The following PALM2AKAP2 variants were observed in gnomAD, a reference collection of about 807,000 sequenced individuals.
The protein encoded by PALM2AKAP2 is PALM2 and AKAP2 fusion.
PALM2AKAP2 carries 37 observed loss-of-function variants against 71.5 expected under a neutral mutation model. The ratio of observed to expected loss-of-function variants is 0.52; its 90% CI spans 0.40 to 0.68. The LOEUF (loss-of-function observed/expected upper bound fraction) is 0.68. PALM2AKAP2 is among the 30% of genes least tolerant of loss of function. PALM2AKAP2 has a pLI of 0.00. For synonymous variants in PALM2AKAP2, 468 were observed against 478.8 expected, an observed-to-expected ratio of 0.98 and a Z score of 0.29; for missense variants, 1,224 against 1,191.8, an observed-to-expected ratio of 1.03 and a Z score of -0.40.
At chr9:109,640,811 G>A (rs1827053499) in exon 1 of PALM2AKAP2, 3 of 1,506,908 alleles carry the variant, frequency 2.0e-6, no homozygotes, top group Non-Finnish European at 2.6e-6. Flanking sequence ...CGGGAGAGGC[G>A]AGCAGCGCCG....
intron 1 of PALM2AKAP2, among the ~76,000 whole-genome samples, chr9:109,755,706 C>G (rs1021767990): frequency 6.6e-6 from 1 of 151,870 alleles, no homozygotes; most frequent in African/African-American, 2.4e-5. Context: ...ACCTCCACCC[C>G]CTTAGTATCC....
intron 3 of PALM2AKAP2, among the ~76,000 whole-genome samples, chr9:109,899,195 T>C (rs1173085787): frequency 6.6e-6 from 1 of 152,176 alleles, no homozygotes; most frequent in Non-Finnish European, 1.5e-5. Flanking sequence ...TCATTAGTCA[T>C]TACTTTCTCT....
chr9:110,000,360 G>T (rs992872451), intron 6 of PALM2AKAP2, among the ~76,000 whole-genome samples: 6 of 152,142 alleles, frequency 3.9e-5, no homozygotes, highest in African/African-American at 1.4e-4. Context: ...TTTTATGGCT[G>T]TATAGTATTC....
At chr9:110,076,963 G>A (rs1457733863) in intron 1 of PALM2AKAP2, among the ~76,000 whole-genome samples, 2 of 152,198 alleles carry the variant, frequency 1.3e-5, no homozygotes, top group Non-Finnish European at 2.9e-5. Context: ...GTCACGCAAT[G>A]TATACCACCC....
At chr9:110,083,902 C>T (rs1834503782) in intron 1 of PALM2AKAP2, among the ~76,000 whole-genome samples, 1 of 152,188 alleles carries the variant, frequency 6.6e-6, no homozygotes, top group Admixed American at 6.5e-5. Flanking sequence ...AGATGGTCCA[C>T]TGAGATGAGG....
At chr9:110,110,681 G>T (rs1047897175) in intron 1 of PALM2AKAP2, among the ~76,000 whole-genome samples, 1 of 151,514 alleles carries the variant, frequency 6.6e-6, no homozygotes, top group Non-Finnish European at 1.5e-5. Context: ...TGAGTAGCTG[G>T]GATTACAGGC....
intron 1 of PALM2AKAP2, among the ~76,000 whole-genome samples, chr9:109,701,918 A>C (rs1000680968): frequency 2.0e-5 from 3 of 152,186 alleles, no homozygotes; most frequent in East Asian, 1.9e-4. Flanking sequence ...ACCCCATCAA[A>C]AAGTGGGCAA....
chr9:110,161,919 G>A (rs984604056), intron 3 of PALM2AKAP2, among the ~76,000 whole-genome samples, 175 bp from the exon 10 acceptor site: 10 of 151,770 alleles, frequency 6.6e-5, no homozygotes, highest in South Asian at 4.2e-4. Context: ...GCAAAGAATA[G>A]ACTTATAAAT....
chr9:110,027,866 CT>C (rs2132399832), intron 7 of PALM2AKAP2, among the ~76,000 whole-genome samples: 1 of 152,206 alleles, frequency 6.6e-6, no homozygotes, highest in African/African-American at 2.4e-5. Flanking sequence ...GCCGGTTGCC[CT>C]TTGTATTTGA....
intron 3 of PALM2AKAP2, among the ~76,000 whole-genome samples, chr9:109,904,487 C>T (rs1404992315): frequency 6.6e-6 from 1 of 152,106 alleles, no homozygotes; most frequent in Non-Finnish European, 1.5e-5. Context: ...TATGCAGGTC[C>T]CAGGTCATTG....
At chr9:109,704,126 G>GT (rs754711547) in intron 1 of PALM2AKAP2, among the ~76,000 whole-genome samples, 9 of 152,200 alleles carry the variant, frequency 5.9e-5, no homozygotes, top group Non-Finnish European at 1.0e-4. Flanking sequence ...TTGAGATGGA[G>GT]TATAGAGCAG....
chr9:110,072,221 A>C (rs1834221649), intron 1 of PALM2AKAP2, among the ~76,000 whole-genome samples: 1 of 152,166 alleles, frequency 6.6e-6, no homozygotes, highest in South Asian at 2.1e-4. Flanking sequence ...TGGAAGAGAA[A>C]ATGAGAAATT....
At chr9:109,908,163 G>A (rs2131879931) in intron 3 of PALM2AKAP2, among the ~76,000 whole-genome samples, 1 of 152,316 alleles carries the variant, frequency 6.6e-6, no homozygotes, top group South Asian at 2.1e-4. Context: ...CTTTCATAGA[G>A]CAGTGATTTC....
chr9:109,752,422 C>A (rs1397361312), intron 1 of PALM2AKAP2, among the ~76,000 whole-genome samples: 1 of 152,066 alleles, frequency 6.6e-6, no homozygotes, highest in Non-Finnish European at 1.5e-5. Context: ...AAGGAGCTCC[C>A]ATGTGAGGCC....
chr9:109,832,386 T>TGTGA (rs1282546029), intron 1 of PALM2AKAP2, among the ~76,000 whole-genome samples: 1 of 152,202 alleles, frequency 6.6e-6, no homozygotes, highest in African/African-American at 2.4e-5. Flanking sequence ...GATGCTGTGT[T>TGTGA]GTGAGGTGTG....
chr9:109,841,866 A>T (rs1183250210), intron 1 of PALM2AKAP2, among the ~76,000 whole-genome samples: 2 of 51,220 alleles, frequency 3.9e-5, no homozygotes, highest in South Asian at 2.7e-3. Flanking sequence ...GGGTGGGGGG[A>T]TGGAGGGGAG....
In PALM2AKAP2 at chr9:109,748,485, G is replaced by A. The variant is rs187744140; in HGVS notation, c.6-32003G>A. Among the ~76,000 whole-genome samples the A allele has an allele frequency of 2.3e-3, 344 of 152,242 alleles. 1 individual carries two copies. The highest frequency in any genetic ancestry group is 7.6e-3 in the African/African-American group (316 of 41,536). On this transcript the variant is annotated intron_variant, in intron 1 of 6. Coordinates refer to the PALM2AKAP2 transcript ENST00000374531. ...ATGGGTCAGGAGTCTAAAAGATGGC[G>A]ATCCCAGTTTACCTTTGCTTTTATT...
intron 7 of PALM2AKAP2, among the ~76,000 whole-genome samples, chr9:110,019,048 T>C (rs1030390322): frequency 5.3e-5 from 8 of 152,042 alleles, no homozygotes; most frequent in Non-Finnish European, 1.2e-4. Context: ...GAGACCATCC[T>C]GGCCAACATG....
chr9:109,813,775 G>A (rs1007389736), intron 1 of PALM2AKAP2, among the ~76,000 whole-genome samples: 3 of 152,120 alleles, frequency 2.0e-5, no homozygotes, highest in African/African-American at 7.2e-5. Flanking sequence ...TGTTGTCCTG[G>A]ACTTTTCAAG....
Sources: allele counts gnomAD v4.1 joint callset (sites outside exome capture counted in the v4.1 genomes callset), GRCh38; gene constraint gnomAD v4.1.1; transcripts MANE v1.5; gene names NCBI Gene and HGNC (gene_info 2026-07-23, HGNC 2026-07-21).